Variants in MCTP1 observed in about 807,000 individuals in gnomAD.
MCTP1 encodes multiple C2 and transmembrane domain containing 1, also known as multiple C2 and transmembrane domain-containing protein 1.
A neutral mutation model predicts 120.6 loss-of-function variants in MCTP1; 69 were observed. The ratio of observed to expected loss-of-function variants is 0.57; its 90% confidence interval spans 0.47 to 0.70. The LOEUF is 0.70. Ranked by LOEUF, MCTP1 falls within the 30% of genes least tolerant of loss-of-function variation. MCTP1 has a pLI of 0.00. For synonymous variants in MCTP1, 529 were observed against 493.1 expected (o/e 1.07, Z -0.96); for missense variants, 1,203 against 1,248.8 (o/e 0.96, Z 0.55).
At chr5:94,844,298 T>G (rs1791798165) in intron 17 of MCTP1, among the ~76,000 whole-genome samples, 1 of 21,082 alleles carries the variant, frequency 4.7e-5, no homozygotes, top group South Asian at 1.1e-3. Context: ...TGAGACTCTG[T>G]CTCAAAAAAA....
intron 1 of MCTP1, among the ~76,000 whole-genome samples, chr5:95,169,828 A>C (rs183203160): frequency 3.9e-5 from 6 of 152,052 alleles, no homozygotes; most frequent in African/African-American, 1.4e-4. Context: ...CTGTTTTGTT[A>C]ATCTTTTCAA....
chr5:95,150,770 T>C (rs331568), intron 1 of MCTP1, among the ~76,000 whole-genome samples: 43,403 of 151,876 alleles, frequency 0.29, 6,674 homozygotes, highest in East Asian at 0.59. Context: ...AGAAAGAATA[T>C]ACAGTTGACC....
chr5:94,718,994 T>A (rs777114101), intron 19 of MCTP1, among the ~76,000 whole-genome samples: 2 of 152,176 alleles, frequency 1.3e-5, no homozygotes, highest in Non-Finnish European at 2.9e-5. Flanking sequence ...GTGCTGGGAT[T>A]ATAGGCGTGA....
chr5:95,074,316 T>C (rs1158242932), intron 1 of MCTP1, among the ~76,000 whole-genome samples: 1 of 152,216 alleles, frequency 6.6e-6, no homozygotes, highest in Non-Finnish European at 1.5e-5. Flanking sequence ...TGTAGAGGAC[T>C]GAGCACTTTG....
At position 94,819,689 on chromosome 5, in the gene MCTP1, A is replaced by G. The variant is rs147627939; in HGVS notation, c.2437-20557T>C. ...AAATTATTGACCTTTTTATATCACT[A>G]GACATTCTGAGTGAGTCTTCTCCAT... On this transcript the variant is annotated intron_variant, in intron 17 of 22. Coordinates refer to ENST00000515393, the MANE Select transcript of MCTP1 (RefSeq NM_024717.7). Among the ~76,000 whole-genome samples, 542 of 152,330 alleles carry G rather than the reference A, an allele frequency of 3.6e-3. 3 individuals are homozygous for G. The highest frequency in any genetic ancestry group is 5.2e-3 in the Non-Finnish European group (354 of 68,032).
chr5:95,271,107 C>A (rs1334911043), intron 1 of MCTP1, among the ~76,000 whole-genome samples: 1 of 152,080 alleles, frequency 6.6e-6, no homozygotes, highest in South Asian at 2.1e-4. Context: ...AAACTCACAT[C>A]AGATATATGC....
intron 9 of MCTP1, 135 bp downstream of exon 9, chr5:94,912,671 G>T: frequency 1.5e-6 from 1 of 662,536 alleles, no homozygotes; most frequent in Non-Finnish European, 2.3e-6. Context: ...TATTGGTCTT[G>T]TTTTCTGACA....
At chr5:94,833,842 T>C (rs942715586) in intron 17 of MCTP1, among the ~76,000 whole-genome samples, 10 of 152,086 alleles carry the variant, frequency 6.6e-5, no homozygotes, top group Admixed American at 2.0e-4. Context: ...AGTTTACGAA[T>C]GCATAATAAC....
chr5:95,220,978 T>A (rs1391560989), intron 1 of MCTP1, among the ~76,000 whole-genome samples: 1 of 151,962 alleles, frequency 6.6e-6, no homozygotes, highest in East Asian at 1.9e-4. Flanking sequence ...GCAGAAAAAA[T>A]TACGCAAAAA....
chr5:94,867,824 A>G lies in MCTP1; in HGVS notation c.2436+509T>C, dbSNP rs187782745. On this transcript the variant is annotated intron_variant, in intron 17 of 22. Coordinates refer to ENST00000515393, the MANE Select transcript of MCTP1 (RefSeq NM_024717.7). ...GTGACTTTTAAAAGCTAGAAATCTC[A>G]GAAATAATAAAACATCTCTTAAATA... is the stretch of plus-strand genomic sequence containing the variant. 1.6e-3 allele frequency: 263 copies of G among 160,348 alleles called. 1 individual carries two copies. The highest frequency in any genetic ancestry group is 5.8e-3 in the African/African-American group (244 of 41,788). The allele number at this position is 160,348 out of a possible 1,614,324, so 9.9% of individuals were successfully genotyped here. A position where few individuals can be genotyped will look rare whatever the true frequency, so the allele number is the denominator to read the frequency against.
At chr5:95,060,368 A>C (rs999209666) in intron 1 of MCTP1, among the ~76,000 whole-genome samples, 1 of 152,230 alleles carries the variant, frequency 6.6e-6, no homozygotes, top group African/African-American at 2.4e-5. Flanking sequence ...TTTGAAAATC[A>C]GTGGGTTAAA....
At chr5:95,113,238 C>T (rs1236020775) in intron 1 of MCTP1, among the ~76,000 whole-genome samples, 2 of 151,896 alleles carry the variant, frequency 1.3e-5, no homozygotes, top group Non-Finnish European at 2.9e-5. Flanking sequence ...ATAGAAGGCT[C>T]CACCAATCGT....
At chr5:95,156,154 G>A (rs948988445) in intron 1 of MCTP1, among the ~76,000 whole-genome samples, 2 of 152,136 alleles carry the variant, frequency 1.3e-5, no homozygotes, top group Non-Finnish European at 2.9e-5. Context: ...CAGTGTGGTG[G>A]ACACTTTGAT....
chr5:95,052,624 G>C (rs1395346452), intron 1 of MCTP1, among the ~76,000 whole-genome samples: 1 of 152,080 alleles, frequency 6.6e-6, no homozygotes. Flanking sequence ...AGAGCCCCAT[G>C]CCTCTGATTG....
chr5:94,707,668 G>T, intron 22 of MCTP1, 101 bp from the exon 23 acceptor site: 3 of 830,120 alleles, frequency 3.6e-6, no homozygotes, highest in South Asian at 1.5e-5. Flanking sequence ...GGAAGAAAGT[G>T]CTCACTCTAG....
At chr5:94,954,585 T>A (rs948119381) in intron 2 of MCTP1, among the ~76,000 whole-genome samples, 2 of 152,308 alleles carry the variant, frequency 1.3e-5, no homozygotes, top group African/African-American at 2.4e-5. Flanking sequence ...GCATGTTGAA[T>A]GTGTAAATTT....
At chr5:95,053,452 T>C (rs191062339) in intron 1 of MCTP1, among the ~76,000 whole-genome samples, 7 of 152,308 alleles carry the variant, frequency 4.6e-5, no homozygotes, top group Non-Finnish European at 7.4e-5. Flanking sequence ...CTACAGCCTC[T>C]AATTGCTGCT....
chr5:95,229,862 T>C (rs1020065892), intron 1 of MCTP1, among the ~76,000 whole-genome samples: 2 of 152,100 alleles, frequency 1.3e-5, no homozygotes, highest in Non-Finnish European at 2.9e-5. Flanking sequence ...GTGGGAAAAG[T>C]CCCTGGGAAA....
intron 1 of MCTP1, among the ~76,000 whole-genome samples, chr5:95,232,625 A>AT (rs202152991): frequency 2.3e-3 from 348 of 151,926 alleles, no homozygotes; most frequent in African/African-American, 7.8e-3. Flanking sequence ...CACCCAGCTA[A>AT]TTTTTTTGTA....
Sources: gnomAD v4.1 joint callset for allele counts (sites outside exome capture counted in the v4.1 genomes callset) on GRCh38, gnomAD v4.1.1 for gene constraint, MANE v1.5 for transcripts, NCBI Gene and HGNC (gene_info 2026-07-23, HGNC 2026-07-21) for gene names.